TSEN2: variants seen among roughly 807,000 people sequenced by gnomAD.
TSEN2 encodes tRNA-splicing endonuclease subunit Sen2.
A neutral mutation model predicts 59.2 loss-of-function variants in TSEN2; 54 were observed. The ratio of observed to expected loss-of-function variants is 0.91; its 90% CI spans 0.73 to 1.14. The LOEUF (loss-of-function observed/expected upper bound fraction) is 1.14. TSEN2 is among the 50% of genes most tolerant of loss of function. TSEN2 has a pLI of 0.00. For missense variants in TSEN2, 636 were observed against 576.2 expected (o/e 1.10, Z -1.06); for synonymous variants, 195 against 198.2 (o/e 0.98, Z 0.14).
In TSEN2 at chr3:12,527,644, A is replaced by G. The variant is rs556704724; in HGVS notation, c.1100-1244A>G. ...TGGCAATTCCCATAGCTGTAGTTGT[A>G]TATAAACCCTAAGTCTCAGGGGCTT... is the stretch of plus-strand genomic sequence containing the variant. On this transcript the variant is annotated intron_variant, in intron 8 of 11. Transcript: ENST00000284995. Among the ~76,000 whole-genome samples, 14 of 152,254 alleles carry G rather than the reference A, an allele frequency of 9.2e-5. No individual in the cohort carries two copies. The East Asian group carries it at 2.5e-3, about 27-fold the overall frequency.
At chr3:12,491,623 A>G (rs1264967771) in intron 2 of TSEN2, among the ~76,000 whole-genome samples, 2 of 152,218 alleles carry the variant, frequency 1.3e-5, no homozygotes, top group Non-Finnish European at 2.9e-5. Flanking sequence ...AAAACTTACT[A>G]GTACTCTTGA....
At chr3:12,505,101 T>C in intron 5 of TSEN2, 53 bp from the exon 6 acceptor site, 1 of 1,001,404 alleles carries the variant, frequency 1.0e-6, no homozygotes, top group Non-Finnish European at 1.6e-6. Context: ...ACATTCTCTA[T>C]GACATGTAGT....
downstream of TSEN2, among the ~76,000 whole-genome samples, chr3:12,536,138 G>T (rs534110082): frequency 1.3e-4 from 20 of 152,326 alleles, no homozygotes; most frequent in South Asian, 3.9e-3. Flanking sequence ...GGAGAAGAAG[G>T]TGGTAGAAAA....
At chr3:12,497,664 A>G (rs1383237158) in intron 4 of TSEN2, among the ~76,000 whole-genome samples, 1 of 152,216 alleles carries the variant, frequency 6.6e-6, no homozygotes, top group Non-Finnish European at 1.5e-5. Flanking sequence ...CCACAACATG[A>G]CATAAGGTCA....
chr3:12,500,487 CG>C (rs1274252848), intron 4 of TSEN2, among the ~76,000 whole-genome samples: 1 of 152,182 alleles, frequency 6.6e-6, no homozygotes, highest in Non-Finnish European at 1.5e-5. Flanking sequence ...CAGAGCCACA[CG>C]GAAGAGCCAA....
At chr3:12,489,018 A>G (rs181309283) in intron 1 of TSEN2, among the ~76,000 whole-genome samples, 1 of 152,334 alleles carries the variant, frequency 6.6e-6, no homozygotes, top group African/African-American at 2.4e-5. Context: ...GTACTGTTCT[A>G]AGCACTTTAT....
At chr3:12,505,328 C>A (rs891985500) in intron 6 of TSEN2, 97 bp downstream of exon 6, 2 of 806,170 alleles carry the variant, frequency 2.5e-6, no homozygotes, top group Non-Finnish European at 4.4e-6. Context: ...GTATGTAATT[C>A]AATTATTGAA....
downstream of TSEN2, among the ~76,000 whole-genome samples, chr3:12,536,604 C>G (rs1315858812): frequency 6.6e-6 from 1 of 152,072 alleles, no homozygotes. Context: ...AGTCTCAGTT[C>G]ATAATTCTAC....
chr3:12,523,628 C>T (rs2056848780), intron 8 of TSEN2, among the ~76,000 whole-genome samples: 1 of 148,490 alleles, frequency 6.7e-6, no homozygotes, highest in Admixed American at 6.9e-5. Context: ...CAACCTCTGC[C>T]TCCCAGGTTC....
At chr3:12,491,841 G>C (rs1179056581) in intron 2 of TSEN2, among the ~76,000 whole-genome samples, 2 of 152,140 alleles carry the variant, frequency 1.3e-5, no homozygotes, top group Non-Finnish European at 2.9e-5. Flanking sequence ...GTACCAAACG[G>C]GGACTTTATT....
intron 1 of TSEN2, among the ~76,000 whole-genome samples, chr3:12,485,625 G>T (rs1156229898): frequency 6.6e-6 from 1 of 152,202 alleles, no homozygotes; most frequent in Non-Finnish European, 1.5e-5. Context: ...TTGATTGCAG[G>T]TGAGGCCTGG....
chr3:12,532,981 C>T lies in TSEN2; in HGVS notation c.*260C>T. ...TCCTGCCTCTGGCGTCAGTCTTTTCCCTCATCCACTCACTGGGGAGATTGG... is the reference window on the plus strand; with the variant it reads ...TCCTGCCTCTGGCGTCAGTCTTTTCTCTCATCCACTCACTGGGGAGATTGG... On this transcript the variant is annotated 3_prime_UTR_variant, in exon 12 of 12. Transcript: ENST00000284995. The T allele has an allele frequency of 1.8e-6, 1 of 548,078 alleles. No homozygotes were observed. Among genetic ancestry groups the T allele is most frequent in the South Asian group, 2.1e-5 (1 of 48,396 alleles). The allele number at this position is 548,078 out of a possible 1,614,324, so 34.0% of individuals were successfully genotyped here.
At chr3:12,493,584 G>A (rs765581769) in intron 3 of TSEN2, among the ~76,000 whole-genome samples, 36 of 152,094 alleles carry the variant, frequency 2.4e-4, no homozygotes, top group Admixed American at 1.2e-3. Context: ...AAAATTAGCC[G>A]GGCATGGTGC....
chr3:12,510,340 G>A (rs2055304516), intron 6 of TSEN2, among the ~76,000 whole-genome samples: 1 of 152,222 alleles, frequency 6.6e-6, no homozygotes. Context: ...CTGTGGCTCT[G>A]AGTTTGTTGA....
intron 3 of TSEN2, among the ~76,000 whole-genome samples, chr3:12,494,103 A>AT (rs2053504161): frequency 6.6e-6 from 1 of 152,216 alleles, no homozygotes; most frequent in South Asian, 2.1e-4. Context: ...ACTTCTAGGA[A>AT]TTTATCTTAA....
intron 4 of TSEN2, among the ~76,000 whole-genome samples, chr3:12,500,102 T>G (rs2054148170): frequency 6.6e-6 from 1 of 152,194 alleles, no homozygotes; most frequent in Non-Finnish European, 1.5e-5. Flanking sequence ...CTGTCACTGC[T>G]TCCAGTCGTG....
intron 6 of TSEN2, among the ~76,000 whole-genome samples, chr3:12,506,334 C>T (rs1240353036): frequency 6.6e-6 from 1 of 151,928 alleles, no homozygotes; most frequent in Non-Finnish European, 1.5e-5. Context: ...ATGGCTCACA[C>T]CTGTAATCCC....
chr3:12,502,272 G>T (rs2054344813), intron 4 of TSEN2, among the ~76,000 whole-genome samples: 1 of 152,188 alleles, frequency 6.6e-6, no homozygotes, highest in Non-Finnish European at 1.5e-5. Context: ...CAAGCTGAGA[G>T]CGGTGGCTTA....
intron 1 of TSEN2, among the ~76,000 whole-genome samples, chr3:12,489,543 A>G (rs757934083): frequency 2.0e-5 from 3 of 152,202 alleles, no homozygotes; most frequent in Non-Finnish European, 4.4e-5. Flanking sequence ...GCTGGAGTAG[A>G]AAGATTACCA....
Sources: gnomAD v4.1 joint callset for allele counts (sites outside exome capture counted in the v4.1 genomes callset) on GRCh38, gnomAD v4.1.1 for gene constraint, MANE v1.5 for transcripts, NCBI Gene and HGNC (gene_info 2026-07-23, HGNC 2026-07-21) for gene names.